Variants in TTLL11 observed in about 807,000 individuals in gnomAD.
TTLL11 encodes the protein tubulin tyrosine ligase like 11.
A neutral mutation model predicts 51.7 loss-of-function variants in TTLL11; 42 were observed. The observed-to-expected ratio is 0.81, with a 90% CI of 0.64 to 1.05. The LOEUF is 1.05. Among genes scored for constraint, TTLL11 ranks in the 50% least tolerant of loss-of-function variants. TTLL11 has a pLI of 0.00. For missense variants in TTLL11, 799 were observed against 940.4 expected (o/e 0.85, Z 1.97); for synonymous variants, 381 against 383.5 (o/e 0.99, Z 0.08).
intron 1 of TTLL11, among the ~76,000 whole-genome samples, chr9:122,050,551 A>G (rs1845131074): frequency 6.6e-6 from 1 of 152,006 alleles, no homozygotes; most frequent in Non-Finnish European, 1.5e-5. Flanking sequence ...CCTCTCCCCT[A>G]CCTGTGGTCT....
chr9:121,826,557 G>GTATATATATATA (rs1171227988), intron 8 of TTLL11, among the ~76,000 whole-genome samples: 2 of 51,340 alleles, frequency 3.9e-5, no homozygotes, highest in African/African-American at 1.4e-4. Flanking sequence ...ATATGTGTGT[G>GTATATATATATA]TATATATATA....
intron 1 of TTLL11, among the ~76,000 whole-genome samples, chr9:122,082,971 C>T (rs992839318): frequency 3.3e-5 from 5 of 152,016 alleles, no homozygotes; most frequent in Non-Finnish European, 7.4e-5. Context: ...GAGGTGGAGG[C>T]TGCAGTGAGC....
intron 6 of TTLL11, among the ~76,000 whole-genome samples, chr9:121,875,735 G>A (rs1011434284): frequency 6.6e-6 from 1 of 152,128 alleles, no homozygotes; most frequent in African/African-American, 2.4e-5. Flanking sequence ...TGGAAATGTC[G>A]GGCTTATGAA....
intron 8 of TTLL11, among the ~76,000 whole-genome samples, chr9:121,851,739 G>A (rs1316541354): frequency 1.3e-5 from 2 of 152,208 alleles, no homozygotes; most frequent in Admixed American, 6.5e-5. Context: ...CAGTGCAGTT[G>A]GGAGCACTGA....
At chr9:121,883,874 A>C (rs1369269878) in intron 6 of TTLL11, among the ~76,000 whole-genome samples, 2 of 152,180 alleles carry the variant, frequency 1.3e-5, no homozygotes, top group Non-Finnish European at 2.9e-5. Flanking sequence ...TGCAGGGAGG[A>C]TGAATCACGC....
rs530297558 is a variant in TTLL11 at position 121,918,601 on chromosome 9, A to T, written c.1482-47853T>A. ...CCAAGGCACTTAGGAGTGGGGAGGC[A>T]TCATTAGAGATAAATTTAAAAATGC... On this transcript the variant is annotated intron_variant, in intron 6 of 8. Transcript: ENST00000321582. Among the ~76,000 whole-genome samples the T allele has an allele frequency of 8.8e-4, 134 of 152,320 alleles. 1 individual carries two copies. Among genetic ancestry groups the T allele is most frequent in the African/African-American group, 3.0e-3 (126 of 41,568 alleles).
chr9:122,080,138 G>A (rs1437832513), intron 1 of TTLL11, among the ~76,000 whole-genome samples: 1 of 152,132 alleles, frequency 6.6e-6, no homozygotes, highest in Admixed American at 6.5e-5. Flanking sequence ...TTTGAACTAT[G>A]CACTTATGAT....
intron 1 of TTLL11, among the ~76,000 whole-genome samples, chr9:122,085,670 G>A (rs1236207631): frequency 1.3e-5 from 2 of 152,208 alleles, no homozygotes; most frequent in Non-Finnish European, 1.5e-5. Flanking sequence ...AACCAAGCCT[G>A]TAATTACATG....
intron 6 of TTLL11, among the ~76,000 whole-genome samples, chr9:121,899,056 T>C (rs1252696576): frequency 6.6e-6 from 1 of 152,138 alleles, no homozygotes; most frequent in African/African-American, 2.4e-5. Flanking sequence ...TCAGGGGCCA[T>C]GCTGTGTCAA....
chr9:121,995,530 C>A lies in TTLL11; in HGVS notation c.694-5760G>T, dbSNP rs140955964. On this transcript the variant is annotated intron_variant, in intron 3 of 8. Coordinates refer to ENST00000321582, the MANE Select transcript of TTLL11 (RefSeq NM_001139442.2). The surrounding 1 kb of genome is among the most constrained non-coding windows in gnomAD (Gnocchi z 4.4). ...GAGGAAAGGGTCATGGGTGAGCTCA[C>A]GGTTTGGGACTTCAGCAATTTTGGG... Among the ~76,000 whole-genome samples the A allele has an allele frequency of 6.6e-6, 1 of 151,940 alleles. No individual in the cohort carries two copies. The highest frequency in any genetic ancestry group is 1.5e-5 in the Non-Finnish European group (1 of 67,988).
intron 7 of TTLL11, 151 bp downstream of exon 7, chr9:121,870,346 T>C: frequency 1.1e-6 from 1 of 944,836 alleles, no homozygotes; most frequent in Non-Finnish European, 1.5e-6. Context: ...TTCTACCATG[T>C]GCCAGCCACT....
intron 4 of TTLL11, among the ~76,000 whole-genome samples, chr9:121,988,645 C>G (rs1843000794): frequency 6.6e-6 from 1 of 152,234 alleles, no homozygotes. Context: ...CCACGCCACT[C>G]CCGCCCAGAG....
At chr9:122,062,458 T>C (rs1435038412) in intron 1 of TTLL11, among the ~76,000 whole-genome samples, 1 of 144,124 alleles carries the variant, frequency 6.9e-6, no homozygotes, top group Admixed American at 7.1e-5. Context: ...ATCTTTATAT[T>C]ATGCTTTTTT....
chr9:121,998,566 G>A (rs1003858312), intron 3 of TTLL11, among the ~76,000 whole-genome samples: 1 of 151,512 alleles, frequency 6.6e-6, no homozygotes, highest in Non-Finnish European at 1.5e-5. Context: ...GATTACAGGT[G>A]TGAGGCACCG....
chr9:121,831,653 T>C (rs1837016366), intron 8 of TTLL11, among the ~76,000 whole-genome samples: 1 of 150,910 alleles, frequency 6.6e-6, no homozygotes, highest in African/African-American at 2.5e-5. Context: ...TGAGCCGAGA[T>C]TGTGCCACTT....
chr9:122,007,255 T>C lies in TTLL11; in HGVS notation c.694-17485A>G, dbSNP rs565732782. Among the ~76,000 whole-genome samples, 36 of 151,784 alleles carry C rather than the reference T, an allele frequency of 2.4e-4. No individual in the cohort carries two copies. The South Asian group carries it at 2.7e-3, about 11-fold the overall frequency. On this transcript the variant is annotated intron_variant, in intron 3 of 8. Transcript: ENST00000321582. ...AGTCCAGGGCAGGGCAGGAAAAGTA[T>C]AAGAAAAGCCTGGAATGTCTTGTTG...
chr9:121,968,659 C>A (rs552327413), intron 6 of TTLL11, among the ~76,000 whole-genome samples: 3 of 152,122 alleles, frequency 2.0e-5, no homozygotes, highest in East Asian at 3.9e-4. Context: ...CGGGTTCAAG[C>A]GATTCTTCTG....
chr9:122,091,294 T>C (rs1359729957), intron 1 of TTLL11, among the ~76,000 whole-genome samples: 2 of 152,226 alleles, frequency 1.3e-5, no homozygotes, highest in Admixed American at 1.3e-4. Flanking sequence ...AGTTGTCCAG[T>C]TGTACCTTTT....
At position 121,817,326 on chromosome 9, in the gene TTLL11, T is replaced by C. The variant is rs529342953; in HGVS notation, c.*5261A>G. On this transcript the variant is annotated 3_prime_UTR_variant, in exon 9 of 9. Transcript: ENST00000321582. ...GGGGAGGGCAGGAGGAGCTGACCAG[T>C]GTGGTTTCATCTGTCTTGATGGATA... 93 of 152,248 alleles carry C rather than the reference T, an allele frequency of 6.1e-4. No homozygotes were observed. Among genetic ancestry groups the C allele is most frequent in the African/African-American group, 2.2e-3 (92 of 41,524 alleles). The allele number at this position is 152,248 out of a possible 1,614,324, so 9.4% of individuals were successfully genotyped here.
Sources: gnomAD v4.1 joint callset for allele counts (sites outside exome capture counted in the v4.1 genomes callset) on GRCh38, gnomAD v4.1.1 for gene constraint, Gnocchi (gnomAD v3.1) non-coding constraint, MANE v1.5 for transcripts, NCBI Gene and HGNC (gene_info 2026-07-23, HGNC 2026-07-21) for gene names.